VPS8: variants seen among roughly 807,000 people sequenced by gnomAD.
VPS8 encodes the protein VPS8 subunit of CORVET complex.
VPS8 carries 129 observed loss-of-function variants against 216.4 expected under a neutral mutation model. The observed-to-expected ratio is 0.60, with a 90% CI of 0.52 to 0.69. VPS8 has a LOEUF of 0.69. Among genes scored for constraint, VPS8 ranks in the 30% least tolerant of loss-of-function variants. VPS8 has a pLI of 0.00. For missense variants in VPS8, 1,531 were observed against 1,683.5 expected, an observed-to-expected ratio of 0.91 and a Z score of 1.59; for synonymous variants, 571 against 565.4, an observed-to-expected ratio of 1.01 and a Z score of -0.14.
intron 36 of VPS8, among the ~76,000 whole-genome samples, chr3:184,952,488 A>T (rs186368226): frequency 6.6e-6 from 1 of 152,226 alleles, no homozygotes; most frequent in Non-Finnish European, 1.5e-5. Context: ...CAAGGTGGCC[A>T]TTCTACGGGC....
At chr3:185,030,650 C>T (rs1357353578) in intron 46 of VPS8, among the ~76,000 whole-genome samples, 1 of 152,232 alleles carries the variant, frequency 6.6e-6, no homozygotes, top group Non-Finnish European at 1.5e-5. Context: ...TTCCTTCTCT[C>T]AGCACATTTA....
At chr3:184,852,056 T>C (rs149968330) in intron 10 of VPS8, among the ~76,000 whole-genome samples, 3 of 152,342 alleles carry the variant, frequency 2.0e-5, no homozygotes, top group African/African-American at 7.2e-5. Flanking sequence ...ACTTTTCAGC[T>C]ATTCAGAAGA....
At chr3:184,832,877 G>A in intron 4 of VPS8, 58 bp downstream of exon 4, 1 of 1,549,934 alleles carries the variant, frequency 6.5e-7, no homozygotes, top group Non-Finnish European at 8.7e-7. Context: ...TGTTTCAAAT[G>A]TAAATATTGT....
chr3:185,028,106 G>C (rs1159043746), intron 46 of VPS8, among the ~76,000 whole-genome samples: 2 of 152,132 alleles, frequency 1.3e-5, no homozygotes. Context: ...TTTAGTGGCT[G>C]TCTTGCGGAG....
rs997411567 is a variant in VPS8, at chr3:184,898,071, G to A, written c.2005-494G>A. ...TAGGTTAATAGCACTTACCACATTT[G>A]TAAATAATGAATTATTTGTGTAATT... On this transcript the variant is annotated intron_variant, in intron 23 of 47. Transcript: ENST00000625842. 2.0e-5 allele frequency among the ~76,000 whole-genome samples: 3 copies of A among 152,008 alleles called. No homozygotes were observed. The South Asian group carries it at 6.2e-4, about 32-fold the overall frequency.
chr3:185,049,341 C>A (rs964083186), intron 47 of VPS8, among the ~76,000 whole-genome samples: 1 of 152,180 alleles, frequency 6.6e-6, no homozygotes, highest in Non-Finnish European at 1.5e-5. Context: ...GTTCTTCATG[C>A]CTGGTGCCTG....
chr3:184,840,137 T>C lies in VPS8; in HGVS notation c.535+385T>C, dbSNP rs910733570. ...CTAAAAGATCTTCAGGAAAACAGGC[T>C]TTCTCAGTAATTTTCAGGAGCTCTC... On this transcript the variant is annotated intron_variant, in intron 7 of 47. Transcript: ENST00000625842. The C allele has an allele frequency of 3.1e-5, 5 of 161,852 alleles. No individual in the cohort carries two copies. The East Asian group carries it at 7.3e-4, about 24-fold the overall frequency. The allele number at this position is 161,852 out of a possible 1,614,324, so 10.0% of individuals were successfully genotyped here.
At chr3:184,970,984 A>T (rs1268324807) in intron 39 of VPS8, among the ~76,000 whole-genome samples, 2 of 152,230 alleles carry the variant, frequency 1.3e-5, no homozygotes, top group African/African-American at 4.8e-5. Flanking sequence ...GAAGATTTAT[A>T]AACTGGTTGA....
chr3:184,922,684 T>G (rs1479620710), intron 29 of VPS8, among the ~76,000 whole-genome samples: 1 of 152,150 alleles, frequency 6.6e-6, no homozygotes, highest in Non-Finnish European at 1.5e-5. Flanking sequence ...GCTAGAGATG[T>G]GCTAATTGGT....
intron 45 of VPS8, among the ~76,000 whole-genome samples, chr3:185,005,173 C>T (rs1297813290): frequency 1.3e-5 from 2 of 152,144 alleles, no homozygotes; most frequent in South Asian, 2.1e-4. Context: ...TGTCAAAGAT[C>T]AGTTAGCTGT....
intron 40 of VPS8, among the ~76,000 whole-genome samples, chr3:184,981,537 G>A (rs760713790): frequency 3.3e-5 from 5 of 149,358 alleles, no homozygotes; most frequent in African/African-American, 1.2e-4. Flanking sequence ...AGGTACAAGC[G>A]ATTCTCCTGC....
chr3:184,825,072 A>C, intron 2 of VPS8: 1 of 320,414 alleles, frequency 3.1e-6, no homozygotes, highest in Non-Finnish European at 6.1e-6. Flanking sequence ...CGCCCGCCTA[A>C]TTTTTAATTT....
intron 35 of VPS8, among the ~76,000 whole-genome samples, chr3:184,938,451 C>T (rs535730373): frequency 1.3e-5 from 2 of 152,098 alleles, no homozygotes; most frequent in Non-Finnish European, 2.9e-5. Context: ...AAGTAGTACA[C>T]GGAAGGACAT....
intron 45 of VPS8, among the ~76,000 whole-genome samples, chr3:185,010,935 G>T (rs1754926844): frequency 6.6e-6 from 1 of 152,066 alleles, no homozygotes; most frequent in Non-Finnish European, 1.5e-5. Flanking sequence ...GAAGGTCAAG[G>T]CTGCAGTGAG....
chr3:184,901,518 GT>G (rs1265622224), intron 25 of VPS8, among the ~76,000 whole-genome samples: 44 of 141,538 alleles, frequency 3.1e-4, no homozygotes, highest in South Asian at 1.1e-3. Context: ...GGTTTTTTTT[GT>G]TTTTTTTTTT....
chr3:184,855,954 G>T, intron 14 of VPS8, 136 bp downstream of exon 14: 1 of 635,852 alleles, frequency 1.6e-6, no homozygotes, highest in Middle Eastern at 4.2e-4. Flanking sequence ...TTTATCTAAG[G>T]CTTTAATGAT....
chr3:184,905,839 AG>A (rs1373146416), intron 25 of VPS8, among the ~76,000 whole-genome samples: 2 of 152,118 alleles, frequency 1.3e-5, no homozygotes, highest in African/African-American at 2.4e-5. Flanking sequence ...TAAAATGAAG[AG>A]GTTTTTTTTT....
intron 45 of VPS8, among the ~76,000 whole-genome samples, chr3:185,017,339 A>C (rs1366793889): frequency 1.3e-5 from 2 of 152,146 alleles, no homozygotes; most frequent in Non-Finnish European, 2.9e-5. Context: ...CCAAACCCTT[A>C]AATTTCTTTC....
At chr3:184,995,544 A>G (rs1368377818) in intron 43 of VPS8, among the ~76,000 whole-genome samples, 1 of 152,232 alleles carries the variant, frequency 6.6e-6, no homozygotes, top group African/African-American at 2.4e-5. Context: ...CATTACAGGC[A>G]AAGTTAAAGA....
Sources: allele counts gnomAD v4.1 joint callset (sites outside exome capture counted in the v4.1 genomes callset), GRCh38; gene constraint gnomAD v4.1.1; transcripts MANE v1.5; gene names NCBI Gene and HGNC (gene_info 2026-07-23, HGNC 2026-07-21).